Variants in CSMD1 observed in about 807,000 individuals in gnomAD.
The protein encoded by CSMD1 is CUB and sushi domain-containing protein 1.
CSMD1 carries 213 observed loss-of-function variants against 417.5 expected under a neutral mutation model. The observed-to-expected ratio is 0.51, with a 90% CI of 0.46 to 0.57. The LOEUF is 0.57. CSMD1 is among the 20% of genes least tolerant of loss of function. The pLI, the probability that CSMD1 is intolerant of heterozygous loss-of-function variation, is 0.00. For synonymous variants in CSMD1, 2,862 were observed against 1,736.8 expected (o/e 1.65, Z -16.11); for missense variants, 6,923 against 4,529.7 (o/e 1.53, Z -15.17).
chr8:3,304,955 A>G (rs1435104450), intron 25 of CSMD1, among the ~76,000 whole-genome samples: 1 of 152,160 alleles, frequency 6.6e-6, no homozygotes, highest in Non-Finnish European at 1.5e-5. Flanking sequence ...TGATTTCTAC[A>G]ACTTTTCAAA....
intron 3 of CSMD1, among the ~76,000 whole-genome samples, chr8:4,078,560 G>A (rs1038220767): frequency 2.0e-5 from 3 of 151,350 alleles, no homozygotes; most frequent in Non-Finnish European, 2.9e-5. Context: ...CACTGCGCCC[G>A]GCTGATATCC....
At chr8:3,398,766 G>A (rs117587104) in intron 16 of CSMD1, among the ~76,000 whole-genome samples, 1,807 of 152,194 alleles carry the variant, frequency 0.012, 45 homozygotes, top group East Asian at 0.097. Flanking sequence ...AGAGAAATGG[G>A]AAAACCCTTC....
chr8:4,339,299 T>C (rs545220488), intron 3 of CSMD1, among the ~76,000 whole-genome samples: 16 of 152,248 alleles, frequency 1.1e-4, no homozygotes, highest in African/African-American at 3.8e-4. Context: ...ACCCTTTCAG[T>C]TCTTACCATT....
chr8:4,064,114 G>C (rs985846845), intron 3 of CSMD1, among the ~76,000 whole-genome samples: 1 of 152,126 alleles, frequency 6.6e-6, no homozygotes, highest in African/African-American at 2.4e-5. Context: ...GCAGCAAAGG[G>C]TCCTAGAAAA....
At chr8:3,607,551 G>T (rs1379632739) in intron 8 of CSMD1, among the ~76,000 whole-genome samples, 1 of 152,172 alleles carries the variant, frequency 6.6e-6, no homozygotes, top group African/African-American at 2.4e-5. Context: ...AACATGTGAG[G>T]ACTGCTCTGT....
rs1467341451 is a variant in CSMD1 at position 2,998,060 on chromosome 8, G to C, written c.8328C>G (p.Ala2776=). ...TGYLLQGVSR[A]QCRSNGQWSS... is the part of the protein sequence containing the mutation. ...TCCACTGGCCGTTGCTCCGACACTG[G>C]GCTCGAGACACGCCCTGCAGCAAAT... Residue 2776 remains alanine (A), a synonymous_variant, in exon 54 of 70, where the codon GCC becomes GCG. Transcript: ENST00000635120. 3 of 1,613,822 alleles carry C rather than the reference G, an allele frequency of 1.9e-6. No individual in the cohort carries two copies. The highest frequency in any genetic ancestry group is 2.2e-5 in the East Asian group (1 of 44,888).
chr8:4,709,668 T>C (rs2725078), intron 1 of CSMD1, among the ~76,000 whole-genome samples: 53,258 of 152,004 alleles, frequency 0.35, 10,194 homozygotes, highest in Non-Finnish European at 0.43. Context: ...CAAAGATGAA[T>C]GTTTAACCTA....
intron 1 of CSMD1, among the ~76,000 whole-genome samples, chr8:4,829,467 T>C (rs981598378): frequency 2.6e-5 from 4 of 152,084 alleles, no homozygotes; most frequent in African/African-American, 9.7e-5. Context: ...TAAGGCCAGG[T>C]GCAGTGGCTA....
At chr8:3,953,612 G>A (rs1023138753) in intron 5 of CSMD1, among the ~76,000 whole-genome samples, 20 of 151,994 alleles carry the variant, frequency 1.3e-4, no homozygotes, top group Admixed American at 4.6e-4. Context: ...CCAAGCATAC[G>A]CATTTCAAGG....
At chr8:4,821,425 G>A (rs936175510) in intron 1 of CSMD1, among the ~76,000 whole-genome samples, 2 of 152,118 alleles carry the variant, frequency 1.3e-5, no homozygotes, top group Non-Finnish European at 2.9e-5. Context: ...TGTTTTGATA[G>A]AAAATTAAGG....
intron 66 of CSMD1, 149 bp from the exon 67 acceptor site, chr8:2,950,492 T>C: frequency 1.7e-6 from 1 of 600,416 alleles, no homozygotes; most frequent in South Asian, 2.1e-5. Context: ...TTGTGAATTT[T>C]AGCTTAGGAG....
intron 3 of CSMD1, among the ~76,000 whole-genome samples, chr8:4,083,549 T>G (rs1429158149): frequency 2.6e-5 from 4 of 152,184 alleles, no homozygotes; most frequent in African/African-American, 9.7e-5. Context: ...TATTTACAAC[T>G]GTCTGATCTT....
intron 2 of CSMD1, among the ~76,000 whole-genome samples, chr8:4,423,548 G>A (rs1302954046): frequency 6.6e-6 from 1 of 151,990 alleles, no homozygotes; most frequent in Non-Finnish European, 1.5e-5. Context: ...AAAGTTCAAA[G>A]AAATGCTAAA....
At chr8:4,433,977 T>C (rs898226054) in intron 2 of CSMD1, among the ~76,000 whole-genome samples, 2 of 152,068 alleles carry the variant, frequency 1.3e-5, no homozygotes, top group Non-Finnish European at 2.9e-5. Flanking sequence ...CAGGAAGTGA[T>C]TTTCTCTTCA....
intron 3 of CSMD1, among the ~76,000 whole-genome samples, chr8:4,075,716 G>C (rs1242785983): frequency 2.6e-5 from 4 of 152,132 alleles, no homozygotes; most frequent in Admixed American, 2.0e-4. Context: ...TGTCAATGTA[G>C]AAACGGTTTG....
At chr8:3,641,546 G>A (rs1175219262) in intron 7 of CSMD1, among the ~76,000 whole-genome samples, 1 of 152,200 alleles carries the variant, frequency 6.6e-6, no homozygotes, top group Non-Finnish European at 1.5e-5. Flanking sequence ...CAGAAAGGGA[G>A]TGTATGAAAG....
chr8:4,058,627 G>T (rs1290647310), intron 3 of CSMD1, among the ~76,000 whole-genome samples: 3 of 150,402 alleles, frequency 2.0e-5, no homozygotes, highest in African/African-American at 7.4e-5. Context: ...ACAAAAAAAG[G>T]CAGGGGTTGC....
At chr8:4,836,472 C>A (rs112672112) in intron 1 of CSMD1, among the ~76,000 whole-genome samples, 1 of 152,128 alleles carries the variant, frequency 6.6e-6, no homozygotes, top group Non-Finnish European at 1.5e-5. Flanking sequence ...ATAGGACTGG[C>A]GCTCTTGAAT....
chr8:4,703,593 G>C (rs922775815), intron 1 of CSMD1, among the ~76,000 whole-genome samples: 7 of 152,066 alleles, frequency 4.6e-5, no homozygotes, highest in African/African-American at 1.7e-4. Flanking sequence ...AAACACTTTG[G>C]TGTTAAGGAA....
Sources: allele counts gnomAD v4.1 joint callset (sites outside exome capture counted in the v4.1 genomes callset), GRCh38; gene constraint gnomAD v4.1.1; transcripts MANE v1.5; gene names NCBI Gene and HGNC (gene_info 2026-07-23, HGNC 2026-07-21).